The following LIN28B variants were observed in gnomAD, a reference collection of about 807,000 sequenced individuals.
The protein encoded by LIN28B is protein lin-28 homolog B.
In LIN28B, 5 loss-of-function variants were observed where a neutral mutation model predicts 21.9. The ratio of observed to expected loss-of-function variants is 0.23; its 90% CI spans 0.12 to 0.48. LIN28B has a LOEUF of 0.48. Ranked by LOEUF, LIN28B falls within the 20% of genes least tolerant of loss-of-function variation. The probability of loss-of-function intolerance (pLI) is 0.98; values close to 1 mark genes in which losing one functional copy is unlikely to be tolerated. For missense variants in LIN28B, 245 were observed against 310.5 expected, an observed-to-expected ratio of 0.79 and a Z score of 1.58; for synonymous variants, 109 against 111.3, an observed-to-expected ratio of 0.98 and a Z score of 0.13.
intron 2 of LIN28B, among the ~76,000 whole-genome samples, chr6:105,015,498 G>A (rs1771009724): frequency 6.6e-6 from 1 of 151,742 alleles, no homozygotes; most frequent in Admixed American, 6.6e-5. Flanking sequence ...CATTTTCGTT[G>A]GAGTGTTAAA....
chr6:105,001,347 G>A (rs1770716253), intron 2 of LIN28B, among the ~76,000 whole-genome samples: 1 of 152,180 alleles, frequency 6.6e-6, no homozygotes, highest in South Asian at 2.1e-4. Flanking sequence ...ATGACTGTCA[G>A]TGATGTTTAT....
At chr6:104,988,164 C>A (rs1770387273) in intron 2 of LIN28B, among the ~76,000 whole-genome samples, 1 of 152,212 alleles carries the variant, frequency 6.6e-6, no homozygotes, top group African/African-American at 2.4e-5. Context: ...AATAACTCAT[C>A]ATTAAGCATG....
chr6:105,058,307 T>C (rs566416656), intron 3 of LIN28B, among the ~76,000 whole-genome samples: 57 of 152,330 alleles, frequency 3.7e-4, no homozygotes, highest in African/African-American at 1.4e-3. Flanking sequence ...AGAAAAGTTA[T>C]CTTGCCTTTT....
chr6:105,081,446 G>C lies in LIN28B; in HGVS notation c.*2663G>C, dbSNP rs765747338. Reference sequence around the variant, plus strand: ...GTTTACAGCAAAAGGCTACCTCATAGTTGATACATAGCACACCTGTATGTA... The same window carrying C: ...GTTTACAGCAAAAGGCTACCTCATACTTGATACATAGCACACCTGTATGTA... On this transcript the variant is annotated 3_prime_UTR_variant, in exon 4 of 4. Coordinates refer to ENST00000345080, the MANE Select transcript of LIN28B (RefSeq NM_001004317.4). The C allele has an allele frequency of 2.0e-5, 3 of 152,616 alleles. No homozygotes were observed. Among genetic ancestry groups the C allele is most frequent in the Admixed American group, 1.3e-4 (2 of 15,268 alleles). The allele number at this position is 152,616 out of a possible 1,614,324, so 9.5% of individuals were successfully genotyped here.
At chr6:104,982,928 AG>A (rs1392253909) in intron 2 of LIN28B, among the ~76,000 whole-genome samples, 1 of 152,074 alleles carries the variant, frequency 6.6e-6, no homozygotes, top group East Asian at 1.9e-4. Context: ...CCTCTCATGT[AG>A]CTAGGACTAC....
Position 105,079,690 on chromosome 6 carries a change from C to T in LIN28B, c.*907C>T, listed in dbSNP as rs1036418809. On this transcript the variant is annotated 3_prime_UTR_variant, in exon 4 of 4. Transcript: ENST00000345080. ...GGGATTGTGTGGCAACAGCAGCTTC[C>T]CTTGGCTAACTCAATCTTCTACCCA... is the stretch of plus-strand genomic sequence containing the variant. The T allele has an allele frequency of 6.6e-6, 1 of 152,414 alleles. No homozygotes were observed. Among genetic ancestry groups the T allele is most frequent in the African/African-American group, 2.4e-5 (1 of 41,438 alleles). The allele number at this position is 152,414 out of a possible 1,614,324, so 9.4% of individuals were successfully genotyped here.
rs368058507 is a variant in LIN28B at position 104,976,458 on chromosome 6, C to A, written c.198+18172C>A. ...CTTTGTGGCAGGAAGGACAATGGAACTTTATTGAACATTAGCTTTACAAAG... is the reference window on the plus strand; with the variant it reads ...CTTTGTGGCAGGAAGGACAATGGAAATTTATTGAACATTAGCTTTACAAAG... On this transcript the variant is annotated intron_variant, in intron 2 of 3. Coordinates refer to ENST00000345080, the MANE Select transcript of LIN28B (RefSeq NM_001004317.4). Among the ~76,000 whole-genome samples, 79 of 152,220 alleles carry A rather than the reference C, an allele frequency of 5.2e-4. No homozygotes were observed. The East Asian group carries it at 6.8e-3, about 13-fold the overall frequency.
At chr6:104,949,776 G>C (rs1247367033) in intron 2 of LIN28B, among the ~76,000 whole-genome samples, 1 of 151,988 alleles carries the variant, frequency 6.6e-6, no homozygotes, top group Admixed American at 6.6e-5. Context: ...CCTCTTTATT[G>C]CAAGTTTTAT....
chr6:105,032,602 G>C (rs937468934), intron 3 of LIN28B, among the ~76,000 whole-genome samples: 1 of 151,894 alleles, frequency 6.6e-6, no homozygotes, highest in African/African-American at 2.4e-5. Flanking sequence ...GTGCATCCCT[G>C]TTGTCCCAGC....
At chr6:105,067,864 C>T (rs904082922) in intron 3 of LIN28B, among the ~76,000 whole-genome samples, 8 of 152,106 alleles carry the variant, frequency 5.3e-5, no homozygotes, top group African/African-American at 1.7e-4. Context: ...ATGAAAAATG[C>T]TCCCCTTTGC....
chr6:105,039,657 A>C (rs1193350642), intron 3 of LIN28B, among the ~76,000 whole-genome samples: 1 of 152,190 alleles, frequency 6.6e-6, no homozygotes, highest in Non-Finnish European at 1.5e-5. Context: ...TTGTGGGAGT[A>C]TGCAGATTAT....
At chr6:105,043,155 T>G (rs1771671702) in intron 3 of LIN28B, among the ~76,000 whole-genome samples, 1 of 151,820 alleles carries the variant, frequency 6.6e-6, no homozygotes, top group Non-Finnish European at 1.5e-5. Flanking sequence ...GGCCAGACGT[T>G]ATGGCTCATG....
chr6:104,951,121 A>T (rs1042561158), intron 3 of LIN28B, among the ~76,000 whole-genome samples: 3 of 152,172 alleles, frequency 2.0e-5, no homozygotes, highest in Non-Finnish European at 4.4e-5. Flanking sequence ...ATGCTTTCTT[A>T]TATTATTAAA....
intron 2 of LIN28B, among the ~76,000 whole-genome samples, chr6:104,947,186 G>A (rs1178917669): frequency 2.6e-5 from 4 of 152,012 alleles, no homozygotes; most frequent in Admixed American, 6.6e-5. Context: ...GTGGAGTGGC[G>A]GGATCTTGGC....
At chr6:104,976,195 T>A (rs1770090844) in intron 2 of LIN28B, among the ~76,000 whole-genome samples, 1 of 152,178 alleles carries the variant, frequency 6.6e-6, no homozygotes, top group Non-Finnish European at 1.5e-5. Flanking sequence ...TCTGACCTCG[T>A]GGAGCTTAAA....
chr6:105,066,937 ATATT>A (rs951706532), intron 3 of LIN28B, among the ~76,000 whole-genome samples: 2 of 152,188 alleles, frequency 1.3e-5, no homozygotes, highest in African/African-American at 2.4e-5. Context: ...GAAGAAAAAA[ATATT>A]TATAAGAGTT....
chr6:104,955,172 A>G (rs938938972), upstream of LIN28B, among the ~76,000 whole-genome samples: 6 of 152,218 alleles, frequency 3.9e-5, no homozygotes, highest in Non-Finnish European at 5.9e-5. Context: ...CATCATTGAG[A>G]TTACTTTCTT....
intron 3 of LIN28B, among the ~76,000 whole-genome samples, chr6:105,038,229 T>C (rs1771563850): frequency 6.6e-6 from 1 of 152,144 alleles, no homozygotes; most frequent in Non-Finnish European, 1.5e-5. Flanking sequence ...TGCAGGGCAA[T>C]GGAAGAGTCA....
At chr6:105,006,668 G>T (rs1403651932) in intron 2 of LIN28B, among the ~76,000 whole-genome samples, 1 of 152,116 alleles carries the variant, frequency 6.6e-6, no homozygotes, top group African/African-American at 2.4e-5. Flanking sequence ...ACACAATAAA[G>T]GTTTTATCTC....
Sources: allele counts gnomAD v4.1 joint callset (sites outside exome capture counted in the v4.1 genomes callset), GRCh38; gene constraint gnomAD v4.1.1; transcripts MANE v1.5; gene names NCBI Gene and HGNC (gene_info 2026-07-23, HGNC 2026-07-21).